PACRG: variants seen among roughly 807,000 people sequenced by gnomAD.
The protein encoded by PACRG is parkin coregulated.
A neutral mutation model predicts 29.7 loss-of-function variants in PACRG; 29 were observed. The observed-to-expected ratio is 0.98, with a 90% CI of 0.73 to 1.33. The LOEUF (loss-of-function observed/expected upper bound fraction) is 1.33, where lower values mean the gene tolerates loss of function less well. Among genes scored for constraint, PACRG ranks in the 40% most tolerant of loss-of-function variants. The pLI, the probability that PACRG is intolerant of heterozygous loss-of-function variation, is 0.00. For missense variants in PACRG, 279 were observed against 316.2 expected, an observed-to-expected ratio of 0.88 and a Z score of 0.89; for synonymous variants, 116 against 118.7, an observed-to-expected ratio of 0.98 and a Z score of 0.15.
chr6:162,753,501 T>C (rs951073500), intron 1 of PACRG, among the ~76,000 whole-genome samples: 4 of 152,218 alleles, frequency 2.6e-5, no homozygotes, highest in African/African-American at 9.6e-5. Flanking sequence ...CATTTGTCCA[T>C]TGATGAACAC....
intron 2 of PACRG, among the ~76,000 whole-genome samples, chr6:162,849,561 C>T (rs1227591992): frequency 1.3e-5 from 2 of 152,198 alleles, no homozygotes; most frequent in Non-Finnish European, 2.9e-5. Flanking sequence ...GCTTTTTGTG[C>T]TTGTCTGAGA....
intron 2 of PACRG, among the ~76,000 whole-genome samples, chr6:162,973,983 G>T (rs1801746760): frequency 1.3e-5 from 2 of 152,090 alleles, no homozygotes; most frequent in African/African-American, 2.4e-5. Flanking sequence ...ACTCCTTTGT[G>T]ATTATTTTCT....
At chr6:162,801,724 C>T (rs1390651817) in intron 1 of PACRG, among the ~76,000 whole-genome samples, 1 of 151,956 alleles carries the variant, frequency 6.6e-6, no homozygotes, top group African/African-American at 2.4e-5. Context: ...AATTTTATTG[C>T]AAGAGATTTC....
At chr6:162,733,986 G>T (rs1044579035) in intron 1 of PACRG, among the ~76,000 whole-genome samples, 2 of 152,140 alleles carry the variant, frequency 1.3e-5, no homozygotes, top group Non-Finnish European at 1.5e-5. Context: ...GCAGGAATTT[G>T]TTTATTTCAC....
chr6:162,805,777 A>G (rs911628290), intron 1 of PACRG, among the ~76,000 whole-genome samples: 1 of 152,202 alleles, frequency 6.6e-6, no homozygotes. Flanking sequence ...TTGCTCATCC[A>G]TAAGAAGCAG....
intron 2 of PACRG, among the ~76,000 whole-genome samples, chr6:162,840,181 G>T (rs1263597204): frequency 2.2e-4 from 24 of 108,028 alleles, no homozygotes; most frequent in African/African-American, 4.6e-4. Context: ...AAATTACCTT[G>T]GGCAGTATGG....
At chr6:162,928,465 A>G (rs1460830466) in intron 2 of PACRG, among the ~76,000 whole-genome samples, 2 of 151,742 alleles carry the variant, frequency 1.3e-5, no homozygotes, top group Non-Finnish European at 2.9e-5. Flanking sequence ...CAAAGAAACT[A>G]TTTTTAAATT....
intron 2 of PACRG, among the ~76,000 whole-genome samples, chr6:162,914,306 A>T (rs1562727661): frequency 2.0e-5 from 3 of 152,018 alleles, no homozygotes; most frequent in Non-Finnish European, 4.4e-5. Context: ...TGTTAGAAAG[A>T]TTATTCTTTC....
intron 2 of PACRG, among the ~76,000 whole-genome samples, chr6:162,875,413 C>A (rs1214380025): frequency 3.3e-5 from 5 of 150,310 alleles, no homozygotes; most frequent in African/African-American, 7.4e-5. Flanking sequence ...ACAGACATTC[C>A]CACACAGTCA....
intron 2 of PACRG, among the ~76,000 whole-genome samples, chr6:162,858,293 T>G (rs1053737128): frequency 2.0e-5 from 3 of 151,994 alleles, no homozygotes; most frequent in Non-Finnish European, 4.4e-5. Flanking sequence ...AGGAGAGAGA[T>G]AGAGAAGGCG....
At chr6:163,203,782 A>C (rs1216152655) in intron 4 of PACRG, among the ~76,000 whole-genome samples, 1 of 152,256 alleles carries the variant, frequency 6.6e-6, no homozygotes, top group Non-Finnish European at 1.5e-5. Flanking sequence ...TACTTTTACA[A>C]TAAAATAAAG....
intron 2 of PACRG, among the ~76,000 whole-genome samples, chr6:162,832,870 AT>A (rs1458204628): frequency 3.4e-5 from 5 of 148,008 alleles, no homozygotes; most frequent in Non-Finnish European, 7.5e-5. Context: ...AAACTATTAT[AT>A]TTTGTTTGAT....
intron 1 of PACRG, among the ~76,000 whole-genome samples, chr6:162,787,559 T>TGC (rs1784567308): frequency 2.6e-5 from 1 of 38,166 alleles, no homozygotes. Flanking sequence ...ATATGGTTAT[T>TGC]GTGTGTGTGT....
intron 2 of PACRG, among the ~76,000 whole-genome samples, chr6:162,881,728 C>T (rs1359453761): frequency 2.0e-5 from 3 of 150,116 alleles, no homozygotes; most frequent in Non-Finnish European, 4.4e-5. Context: ...GCACTCTCCA[C>T]CAAGACCAGA....
At chr6:163,060,518 A>G (rs1464840791) in intron 2 of PACRG, among the ~76,000 whole-genome samples, 1 of 152,208 alleles carries the variant, frequency 6.6e-6, no homozygotes, top group Non-Finnish European at 1.5e-5. Context: ...AGGAAAGTAA[A>G]GTAAAACTGA....
At chr6:163,207,679 T>A (rs1189377446) in intron 4 of PACRG, among the ~76,000 whole-genome samples, 6 of 152,184 alleles carry the variant, frequency 3.9e-5, no homozygotes, top group Admixed American at 2.0e-4. Flanking sequence ...CCAGATAGAA[T>A]GGAGGCATGG....
chr6:162,883,244 A>T (rs1794051906), intron 2 of PACRG, among the ~76,000 whole-genome samples: 1 of 152,150 alleles, frequency 6.6e-6, no homozygotes, highest in South Asian at 2.1e-4. Flanking sequence ...GATGTTACGT[A>T]AACTGTCTGG....
intron 2 of PACRG, among the ~76,000 whole-genome samples, chr6:162,888,791 A>G (rs9347699): frequency 0.17 from 25,680 of 152,098 alleles, 2,643 homozygotes; most frequent in East Asian, 0.35. Flanking sequence ...CCCAATAGCC[A>G]GGAATTTAAA....
intron 1 of PACRG, among the ~76,000 whole-genome samples, chr6:162,737,923 C>A (rs1398527326): frequency 6.6e-6 from 1 of 151,946 alleles, no homozygotes; most frequent in Non-Finnish European, 1.5e-5. Context: ...AATGTTTTCA[C>A]TGAATTGCAT....
Sources: gnomAD v4.1 joint callset for allele counts (sites outside exome capture counted in the v4.1 genomes callset) on GRCh38, gnomAD v4.1.1 for gene constraint, MANE v1.5 for transcripts, NCBI Gene and HGNC (gene_info 2026-07-23, HGNC 2026-07-21) for gene names.